TMEM132D: variants seen among roughly 807,000 people sequenced by gnomAD.
TMEM132D encodes transmembrane protein 132D, also known as mature OL transmembrane protein.
A neutral mutation model predicts 62.3 loss-of-function variants in TMEM132D; 21 were observed. The ratio of observed to expected loss-of-function variants is 0.34; its 90% CI spans 0.24 to 0.49. The LOEUF (loss-of-function observed/expected upper bound fraction) is 0.49, where lower values mean the gene tolerates loss of function less well. TMEM132D is among the 20% of genes least tolerant of loss of function. TMEM132D has a pLI of 0.99. For synonymous variants in TMEM132D, 621 were observed against 575.6 expected (o/e 1.08, Z -1.13); for missense variants, 1,346 against 1,402.8 (o/e 0.96, Z 0.65).
At position 129,084,583 on chromosome 12, in the gene TMEM132D, C is replaced by A. The variant is rs1874554227; in HGVS notation, c.1563G>T (p.Val521=). 1 of 1,614,112 alleles carries A rather than the reference C, an allele frequency of 6.2e-7. No homozygotes were observed. Among genetic ancestry groups the A allele is most frequent in the Non-Finnish European group, 8.5e-7 (1 of 1,179,986 alleles). The change falls in exon 6 of 9, where the codon GTG becomes GTT. Residue 521 remains valine, a synonymous_variant. Coordinates refer to ENST00000422113, the MANE Select transcript of TMEM132D (RefSeq NM_133448.3). ...CCTCGATCTGCAGCGGAAGCCGGGGCACCCACACCGTCATCTCCAGGGGGC... is the reference window on the plus strand; with the variant it reads ...CCTCGATCTGCAGCGGAAGCCGGGGAACCCACACCGTCATCTCCAGGGGGC... The part of the protein sequence containing the change: ...LSSPLEMTVW[V]PRLPLQIEVS...
intron 2 of TMEM132D, among the ~76,000 whole-genome samples, chr12:129,588,850 G>T (rs1878112050): frequency 2.9e-5 from 4 of 137,494 alleles, no homozygotes; most frequent in Non-Finnish European, 6.1e-5. Context: ...TTAATTATTT[G>T]CTTCTGGAAT....
intron 2 of TMEM132D, among the ~76,000 whole-genome samples, chr12:129,583,067 C>T (rs1216239661): frequency 6.6e-6 from 1 of 152,224 alleles, no homozygotes; most frequent in Non-Finnish European, 1.5e-5. Context: ...CTCAGCCTCC[C>T]AAAGTGCTGG....
chr12:129,614,534 G>A (rs1343876797), intron 2 of TMEM132D, among the ~76,000 whole-genome samples: 1 of 152,208 alleles, frequency 6.6e-6, no homozygotes, highest in Non-Finnish European at 1.5e-5. Flanking sequence ...TCTGTCTGGA[G>A]TTTAAATCCC....
At chr12:129,813,171 A>C (rs968957612) in intron 1 of TMEM132D, among the ~76,000 whole-genome samples, 2 of 151,778 alleles carry the variant, frequency 1.3e-5, no homozygotes, top group East Asian at 1.9e-4. Context: ...TATCTCTGGA[A>C]TCTGTCCAAC....
intron 3 of TMEM132D, among the ~76,000 whole-genome samples, chr12:129,382,164 C>T (rs1351943450): frequency 6.6e-6 from 1 of 152,110 alleles, no homozygotes; most frequent in African/African-American, 2.4e-5. Context: ...ATATCAAATC[C>T]TCTCACTTCT....
intron 3 of TMEM132D, among the ~76,000 whole-genome samples, chr12:129,501,900 C>G (rs1410370035): frequency 6.6e-6 from 1 of 152,174 alleles, no homozygotes; most frequent in Non-Finnish European, 1.5e-5. Flanking sequence ...TCCTAAAAAT[C>G]TAGGCTCAGA....
chr12:129,494,194 TC>T (rs1874881781), intron 3 of TMEM132D, among the ~76,000 whole-genome samples: 1 of 152,170 alleles, frequency 6.6e-6, no homozygotes, highest in South Asian at 2.1e-4. Context: ...AAGTCAACAA[TC>T]AAGCATGTTA....
chr12:129,673,675 T>C (rs555164205), intron 2 of TMEM132D, among the ~76,000 whole-genome samples: 96 of 152,258 alleles, frequency 6.3e-4, no homozygotes, highest in African/African-American at 1.9e-3. Flanking sequence ...AAGAACCATA[T>C]TGACGATTTC....
intron 3 of TMEM132D, among the ~76,000 whole-genome samples, chr12:129,398,888 T>C (rs1164200303): frequency 7.9e-5 from 12 of 151,742 alleles, no homozygotes; most frequent in African/African-American, 2.4e-4. Flanking sequence ...CCACTGATTG[T>C]CTTAGTCTGT....
chr12:129,428,847 T>G (rs543946645), intron 3 of TMEM132D, among the ~76,000 whole-genome samples: 1 of 152,318 alleles, frequency 6.6e-6, no homozygotes, highest in South Asian at 2.1e-4. Context: ...GCTTCAGCAA[T>G]TGCTTGGAAG....
chr12:129,793,473 G>A (rs756706947), intron 1 of TMEM132D, among the ~76,000 whole-genome samples: 3 of 152,086 alleles, frequency 2.0e-5, no homozygotes, highest in East Asian at 1.9e-4. Context: ...CCCAGCTCAA[G>A]CGATCCTCCC....
rs542917607 is a variant in TMEM132D, at chr12:129,555,821, G to A, written c.969-24616C>T. ...TGTGGTTTTTGCCACTACTTTTCTT[G>A]GAGAAAACCGTAATTGCTTTTGCAT... On this transcript the variant is annotated intron_variant, in intron 2 of 8. Transcript: ENST00000422113. 2.0e-5 allele frequency among the ~76,000 whole-genome samples: 3 copies of A among 152,228 alleles called. No homozygotes were observed. In the South Asian group the frequency reaches 6.2e-4, roughly 32 times the overall value.
intron 3 of TMEM132D, among the ~76,000 whole-genome samples, chr12:129,530,228 A>T (rs552949892): frequency 4.1e-4 from 63 of 152,298 alleles, no homozygotes; most frequent in African/African-American, 1.5e-3. Context: ...AATAAATAAT[A>T]AAAAATAAGG....
chr12:129,558,721 T>G (rs79928763), intron 2 of TMEM132D, among the ~76,000 whole-genome samples: 2,352 of 152,264 alleles, frequency 0.015, 70 homozygotes, highest in African/African-American at 0.054. Context: ...TAACTGATGT[T>G]CTAGTGCTGA....
intron 4 of TMEM132D, among the ~76,000 whole-genome samples, chr12:129,304,922 C>T (rs1217203349): frequency 6.6e-6 from 1 of 152,142 alleles, no homozygotes; most frequent in Non-Finnish European, 1.5e-5. Flanking sequence ...CCTTGGCCTC[C>T]CAAAGTGCTG....
intron 2 of TMEM132D, among the ~76,000 whole-genome samples, chr12:129,621,023 G>A (rs1233704536): frequency 6.6e-6 from 1 of 152,144 alleles, no homozygotes; most frequent in Non-Finnish European, 1.5e-5. Flanking sequence ...GTCACATCAT[G>A]CCCAGATCCA....
At chr12:129,144,403 C>G (rs1179701064) in intron 5 of TMEM132D, among the ~76,000 whole-genome samples, 2 of 152,158 alleles carry the variant, frequency 1.3e-5, no homozygotes, top group Non-Finnish European at 2.9e-5. Context: ...ATCATAAGAA[C>G]AGAGGCTTGG....
At chr12:129,172,442 G>A (rs563214343) in intron 5 of TMEM132D, among the ~76,000 whole-genome samples, 4 of 152,336 alleles carry the variant, frequency 2.6e-5, no homozygotes, top group South Asian at 4.1e-4. Flanking sequence ...TAACTGAGGC[G>A]AGAGGCCTAG....
At chr12:129,465,042 ATCT>A (rs1287337053) in intron 3 of TMEM132D, among the ~76,000 whole-genome samples, 2 of 151,666 alleles carry the variant, frequency 1.3e-5, no homozygotes, top group Non-Finnish European at 1.5e-5. Context: ...ATGGCATTGA[ATCT>A]ATTAATTACC....
Sources: gnomAD v4.1 joint callset for allele counts (sites outside exome capture counted in the v4.1 genomes callset) on GRCh38, gnomAD v4.1.1 for gene constraint, MANE v1.5 for transcripts, NCBI Gene and HGNC (gene_info 2026-07-23, HGNC 2026-07-21) for gene names.